HIF1A: variants seen among roughly 807,000 people sequenced by gnomAD.
HIF1A encodes hypoxia-inducible factor 1-alpha.
A neutral mutation model predicts 92.7 loss-of-function variants in HIF1A; 24 were observed. The ratio of observed to expected loss-of-function variants is 0.26; its 90% CI spans 0.19 to 0.36. The LOEUF (loss-of-function observed/expected upper bound fraction) is 0.36. HIF1A is among the 10% of genes least tolerant of loss of function. The pLI, the probability that HIF1A is intolerant of heterozygous loss-of-function variation, is 1.00. For missense variants in HIF1A, 799 were observed against 998.5 expected, an observed-to-expected ratio of 0.80 and a Z score of 2.69; for synonymous variants, 319 against 338.7, an observed-to-expected ratio of 0.94 and a Z score of 0.64.
At position 61,698,212 on chromosome 14, in the gene HIF1A, C is replaced by A. The variant is rs2044137957; in HGVS notation, c.35+2373C>A. Among the ~76,000 whole-genome samples the A allele has an allele frequency of 3.3e-5, 5 of 152,176 alleles. No individual in the cohort carries two copies. In the South Asian group the frequency reaches 1.0e-3, roughly 31 times the overall value. On this transcript the variant is annotated intron_variant, in intron 1 of 14. Coordinates refer to ENST00000337138, the MANE Select transcript of HIF1A (RefSeq NM_001530.4). The stretch of plus-strand genomic sequence containing the variant: ...TTCATTAACTTTGGCCATTAAAAGT[C>A]AAGAAGCTCTCTCATTTATTAGCAA...
At chr14:61,741,627 C>T (rs971555285) in intron 12 of HIF1A, among the ~76,000 whole-genome samples, 7 of 152,056 alleles carry the variant, frequency 4.6e-5, no homozygotes, top group Non-Finnish European at 1.0e-4. Flanking sequence ...CCTCAGCCTC[C>T]GAAAGAGCTG....
At chr14:61,713,476 A>G (rs1167138717) in intron 1 of HIF1A, among the ~76,000 whole-genome samples, 2 of 152,164 alleles carry the variant, frequency 1.3e-5, no homozygotes, top group East Asian at 3.9e-4. Context: ...TGAAATGTTG[A>G]ATGTCCTTCA....
chr14:61,739,526 T>G (rs2044680418), intron 10 of HIF1A, among the ~76,000 whole-genome samples: 1 of 152,220 alleles, frequency 6.6e-6, no homozygotes, highest in Non-Finnish European at 1.5e-5. Context: ...ATTTGACATC[T>G]CACAGCCTTG....
At chr14:61,744,111 G>A (rs73315297) in intron 12 of HIF1A, among the ~76,000 whole-genome samples, 1 of 152,142 alleles carries the variant, frequency 6.6e-6, no homozygotes, top group Non-Finnish European at 1.5e-5. Context: ...TCACTGCATT[G>A]TTATATTAGG....
chr14:61,696,287 T>C (rs2044115082), intron 1 of HIF1A, among the ~76,000 whole-genome samples: 1 of 152,264 alleles, frequency 6.6e-6, no homozygotes, highest in Non-Finnish European at 1.5e-5. Context: ...TCCAGTTCCA[T>C]TGAAAACTCG....
intron 1 of HIF1A, among the ~76,000 whole-genome samples, chr14:61,713,859 A>G (rs1424170275): frequency 2.0e-5 from 3 of 152,114 alleles, no homozygotes; most frequent in African/African-American, 4.8e-5. Flanking sequence ...TCAACCTGAC[A>G]CTGTCTCCAG....
At chr14:61,733,615 C>T (rs77414469) in intron 7 of HIF1A, among the ~76,000 whole-genome samples, 1,817 of 152,242 alleles carry the variant, frequency 0.012, 13 homozygotes, top group Non-Finnish European at 0.019. Context: ...AGTCAGGACA[C>T]CCCAATCCTC....
chr14:61,740,564 G>A lies in HIF1A; in HGVS notation c.1596G>A (p.Lys532=), dbSNP rs758342031. Residue 532 remains lysine, a synonymous_variant, in exon 11 of 15, where the codon AAG becomes AAA. Coordinates refer to ENST00000337138, the MANE Select transcript of HIF1A (RefSeq NM_001530.4). ...ATAGTGATATGGTCAATGAATTCAA[G>A]TTGGAATTGGTAGAAAAACTTTTTG... ...YVDSDMVNEF[K]LELVEKLFAE... 2.6e-5 allele frequency: 42 copies of A among 1,606,890 alleles called. No homozygotes were observed. Among genetic ancestry groups the A allele is most frequent in the Non-Finnish European group, 3.4e-5 (40 of 1,174,232 alleles).
rs79510556 is a variant in HIF1A at position 61,715,097 on chromosome 14, A to G, written c.36-5285A>G. On this transcript the variant is annotated intron_variant, in intron 1 of 14. Transcript: ENST00000337138. ...ATGTTGAGCAAGTAAAACACCAACA[A>G]TGTTGAACTTAGATATTGAAATAGC... Among the ~76,000 whole-genome samples the G allele has an allele frequency of 7.1e-3, 1,075 of 152,302 alleles. 9 individuals carry two copies. The highest frequency in any genetic ancestry group is 0.027 in the Middle Eastern group (8 of 294).
intron 10 of HIF1A, among the ~76,000 whole-genome samples, 194 bp downstream of exon 10, chr14:61,738,567 TAGTC>T (rs1200985986): frequency 2.6e-5 from 4 of 152,200 alleles, no homozygotes; most frequent in African/African-American, 4.8e-5. Context: ...GGCTCAAAGA[TAGTC>T]AGGAACATGG....
chr14:61,747,157 C>T lies in HIF1A; in HGVS notation c.*72C>T, dbSNP rs2044804200. On this transcript the variant is annotated 3_prime_UTR_variant, in exon 15 of 15. Transcript: ENST00000337138. ...ACCTAAAGCAGTCTATTTATATTTTCTACATCTAATTTTAGAAGCCTGGCT... is the reference window on the plus strand; with the variant it reads ...ACCTAAAGCAGTCTATTTATATTTTTTACATCTAATTTTAGAAGCCTGGCT... The T allele has an allele frequency of 3.0e-5, 40 of 1,344,130 alleles. 1 individual carries two copies. The South Asian group carries it at 5.8e-4, about 19-fold the overall frequency. 83.3% of individuals were successfully genotyped at this position (1,344,130 alleles called of 1,614,324 possible).
chr14:61,725,855 T>C (rs2044496767), intron 4 of HIF1A, among the ~76,000 whole-genome samples: 1 of 152,044 alleles, frequency 6.6e-6, no homozygotes, highest in East Asian at 1.9e-4. Context: ...ATTCTCGCTC[T>C]ATATCCCAGG....
chr14:61,721,325 T>G (rs1055929750), intron 2 of HIF1A, among the ~76,000 whole-genome samples, 184 bp from the exon 3 acceptor site: 5 of 152,222 alleles, frequency 3.3e-5, no homozygotes, highest in Admixed American at 2.0e-4. Flanking sequence ...ACTTTAATCA[T>G]GAAAAGCAGC....
chr14:61,728,645 C>CT (rs1433540032), intron 6 of HIF1A, among the ~76,000 whole-genome samples: 4 of 152,190 alleles, frequency 2.6e-5, no homozygotes, highest in African/African-American at 9.7e-5. Context: ...GTGTCTAAAT[C>CT]TTACAGATTT....
At chr14:61,718,948 C>G (rs2044394533) in intron 1 of HIF1A, among the ~76,000 whole-genome samples, 1 of 152,118 alleles carries the variant, frequency 6.6e-6, no homozygotes, top group Non-Finnish European at 1.5e-5. Flanking sequence ...TATAAAAGTC[C>G]TATAAACACA....
rs1230594488 is a variant in HIF1A at position 61,727,563 on chromosome 14, T to G, written c.681T>G (p.Ile227Met). 6.2e-7 allele frequency: 1 copy of G among 1,613,726 alleles called. No homozygotes were observed. Among genetic ancestry groups the G allele is most frequent in the Admixed American group, 1.7e-5 (1 of 60,010 alleles). Residue 227 changes from isoleucine (I) to methionine (M), a missense_variant, in exon 6 of 15, where the codon ATT (isoleucine) becomes ATG (methionine). Coordinates refer to ENST00000337138, the MANE Select transcript of HIF1A (RefSeq NM_001530.4). ...MTCLVLICEP[I>M]PHPSNIEIPL... is the part of the protein sequence containing the mutation. ...GCTTGGTGCTGATTTGTGAACCCAT[T>G]CCTCACCCATCAAATATTGAAATTC...
intron 6 of HIF1A, among the ~76,000 whole-genome samples, chr14:61,731,607 T>C (rs941533019): frequency 2.6e-5 from 4 of 152,182 alleles, no homozygotes; most frequent in African/African-American, 9.7e-5. Flanking sequence ...TTGATGATAT[T>C]AGAATTGTGT....
intron 1 of HIF1A, among the ~76,000 whole-genome samples, chr14:61,712,308 G>A (rs1346812967): frequency 2.0e-5 from 3 of 151,964 alleles, no homozygotes; most frequent in Non-Finnish European, 4.4e-5. Flanking sequence ...CAGTAAGGAG[G>A]CTAGTATGGT....
intron 1 of HIF1A, chr14:61,715,431 T>A (rs2044352857): frequency 6.6e-6 from 1 of 152,194 alleles, no homozygotes; most frequent in African/African-American, 2.4e-5. Context: ...ATTTCGAACT[T>A]TATAATAATA....
Sources: gnomAD v4.1 joint callset for allele counts (sites outside exome capture counted in the v4.1 genomes callset) on GRCh38, gnomAD v4.1.1 for gene constraint, MANE v1.5 for transcripts, NCBI Gene and HGNC (gene_info 2026-07-23, HGNC 2026-07-21) for gene names.